COL23A1: variants seen among roughly 807,000 people sequenced by gnomAD.
The protein encoded by COL23A1 is collagen type XXIII alpha 1 chain.
COL23A1 carries 97 observed loss-of-function variants against 99.3 expected under a neutral mutation model. The observed-to-expected ratio is 0.98, with a 90% CI of 0.83 to 1.16. The LOEUF (loss-of-function observed/expected upper bound fraction) is 1.16, where lower values mean the gene tolerates loss of function less well. COL23A1 is among the 50% of genes most tolerant of loss of function. The pLI is 0.00. For missense variants in COL23A1, 762 were observed against 757.4 expected (o/e 1.01, Z -0.07); for synonymous variants, 320 against 308.2 (o/e 1.04, Z -0.40).
chr5:178,336,993 C>T (rs201030878), intron 2 of COL23A1, among the ~76,000 whole-genome samples: 2 of 43,508 alleles, frequency 4.6e-5, no homozygotes, highest in Admixed American at 2.7e-4. Context: ...CACTCCTCCC[C>T]GGAGCCAGCG....
At chr5:178,476,254 C>T (rs1209270471) in intron 2 of COL23A1, among the ~76,000 whole-genome samples, 1 of 152,224 alleles carries the variant, frequency 6.6e-6, no homozygotes, top group African/African-American at 2.4e-5. Flanking sequence ...CTGCCTCCCA[C>T]TGTCTCCCTG....
intron 2 of COL23A1, among the ~76,000 whole-genome samples, chr5:178,362,210 C>T (rs1470681145): frequency 6.6e-6 from 1 of 152,194 alleles, no homozygotes; most frequent in Non-Finnish European, 1.5e-5. Context: ...AACTGTTAGA[C>T]AGACACACCA....
rs141162329 is a variant in COL23A1, at chr5:178,303,215, G to A, written c.406+3660C>T. Among the ~76,000 whole-genome samples the A allele has an allele frequency of 4.5e-3, 691 of 152,286 alleles. 4 individuals are homozygous for A. Among genetic ancestry groups the A allele is most frequent in the African/African-American group, 0.016 (655 of 41,546 alleles). On this transcript the variant is annotated intron_variant, in intron 3 of 28. Coordinates refer to ENST00000390654, the MANE Select transcript of COL23A1 (RefSeq NM_173465.4). ...GGGTTTCACCATGTTGGCCAGGCTGGTCTCAAACTCCTGGCCTCAAGCAAT... is the reference window on the plus strand; with the variant it reads ...GGGTTTCACCATGTTGGCCAGGCTGATCTCAAACTCCTGGCCTCAAGCAAT...
intron 13 of COL23A1, among the ~76,000 whole-genome samples, chr5:178,257,213 G>A (rs2127545799): frequency 6.6e-6 from 1 of 152,294 alleles, no homozygotes; most frequent in Non-Finnish European, 1.5e-5. Context: ...TTTGGTGGCT[G>A]TTGCGAGGGG....
At chr5:178,245,793 G>T in intron 25 of COL23A1, 149 bp downstream of exon 25, 2 of 855,778 alleles carry the variant, frequency 2.3e-6, no homozygotes, top group Non-Finnish European at 3.9e-6. Flanking sequence ...ACTGGACTTG[G>T]CAATGGGGAC....
intron 25 of COL23A1, among the ~76,000 whole-genome samples, chr5:178,243,426 G>T (rs1185885987): frequency 6.7e-6 from 1 of 149,072 alleles, no homozygotes; most frequent in East Asian, 2.0e-4. Flanking sequence ...GACAGAAGTT[G>T]CAGTGAGCCG....
chr5:178,280,632 A>T lies in COL23A1; in HGVS notation c.441+7692T>A, dbSNP rs754835732. Among the ~76,000 whole-genome samples, 7 of 152,148 alleles carry T rather than the reference A, an allele frequency of 4.6e-5. No homozygotes were observed. The highest frequency in any genetic ancestry group is 1.0e-4 in the Non-Finnish European group (7 of 67,996). On this transcript the variant is annotated intron_variant, in intron 5 of 28. Transcript: ENST00000390654. This position sits in a 1 kb window ranked among gnomAD's most constrained non-coding sequence, Gnocchi z 4.9. Reference sequence around the variant, plus strand: ...GTCTGTGAACATGTTCTTCCATGTGATGGGGCGAGGATGCTGTGGGGCTGG... The same window carrying T: ...GTCTGTGAACATGTTCTTCCATGTGTTGGGGCGAGGATGCTGTGGGGCTGG...
At chr5:178,254,280 C>CCGTCACGCCACGCCACGCCACACCGT (rs140409132) in intron 16 of COL23A1, among the ~76,000 whole-genome samples, 1 of 151,896 alleles carries the variant, frequency 6.6e-6, no homozygotes, top group Non-Finnish European at 1.5e-5. Flanking sequence ...CCACGCCACA[C>CCGTCACGCCACGCCACGCCACACCGT]CACGCCACGC....
chr5:178,249,741 C>CTCTCTCTCTT (rs1764928682), intron 18 of COL23A1, among the ~76,000 whole-genome samples: 1 of 144,684 alleles, frequency 6.9e-6, no homozygotes, highest in Non-Finnish European at 1.5e-5. Context: ...CTCTCTCTCT[C>CTCTCTCTCTT]TCTCTCTCTC....
intron 2 of COL23A1, among the ~76,000 whole-genome samples, chr5:178,517,564 TTTTG>T (rs1396626723): frequency 2.6e-5 from 3 of 114,634 alleles, no homozygotes; most frequent in Non-Finnish European, 5.6e-5. Flanking sequence ...GCAGTTTTTT[TTTTG>T]TTTTTTTTTT....
At chr5:178,450,678 A>G (rs1767437365) in intron 2 of COL23A1, among the ~76,000 whole-genome samples, 1 of 152,244 alleles carries the variant, frequency 6.6e-6, no homozygotes, top group Non-Finnish European at 1.5e-5. Context: ...AGACATGTTA[A>G]TAGTAACAAT....
chr5:178,575,298 C>T (rs768021189), intron 1 of COL23A1, among the ~76,000 whole-genome samples: 1 of 152,162 alleles, frequency 6.6e-6, no homozygotes, highest in East Asian at 1.9e-4. Flanking sequence ...AATAATACAA[C>T]CCTTCCTAAG....
chr5:178,450,894 C>T (rs1480153386), intron 2 of COL23A1, among the ~76,000 whole-genome samples: 2 of 152,188 alleles, frequency 1.3e-5, no homozygotes, highest in Non-Finnish European at 2.9e-5. Flanking sequence ...CAGTTCAGGG[C>T]TCCTCCCCTT....
At chr5:178,452,550 C>G (rs1398697980) in intron 2 of COL23A1, among the ~76,000 whole-genome samples, 2 of 152,190 alleles carry the variant, frequency 1.3e-5, no homozygotes, top group Non-Finnish European at 2.9e-5. Context: ...AATCAAAAGG[C>G]TAATGACACA....
chr5:178,283,447 T>G (rs1581522964), intron 5 of COL23A1, among the ~76,000 whole-genome samples: 1 of 152,234 alleles, frequency 6.6e-6, no homozygotes, highest in South Asian at 2.1e-4. Flanking sequence ...ATCATTTAAA[T>G]CTCACTTCAA....
intron 2 of COL23A1, among the ~76,000 whole-genome samples, chr5:178,519,950 G>A (rs1397938048): frequency 6.6e-6 from 1 of 151,876 alleles, no homozygotes; most frequent in East Asian, 1.9e-4. Context: ...AAAGGATGAT[G>A]GATAGATGGA....
chr5:178,294,507 CTCCCCAAATCACTACCGAGCTCCT>C (rs1439444718), intron 3 of COL23A1, among the ~76,000 whole-genome samples: 3,224 of 107,388 alleles, frequency 0.03, 893 homozygotes, highest in African/African-American at 0.079. Flanking sequence ...ACCGAGCTCC[CTCCCCAAATCACTACCGAGCTCCT>C]TCCCCAGTGC....
intron 2 of COL23A1, among the ~76,000 whole-genome samples, chr5:178,540,231 C>G (rs1562068866): frequency 6.6e-6 from 1 of 152,098 alleles, no homozygotes; most frequent in African/African-American, 2.4e-5. Context: ...AAACACAACT[C>G]TAATTATTTA....
At chr5:178,354,165 T>G (rs936305324) in intron 2 of COL23A1, among the ~76,000 whole-genome samples, 2 of 152,066 alleles carry the variant, frequency 1.3e-5, no homozygotes, top group African/African-American at 4.8e-5. Flanking sequence ...TTTATAATTC[T>G]TTTCCCCTAT....
Sources: gnomAD v4.1 joint callset for allele counts (sites outside exome capture counted in the v4.1 genomes callset) on GRCh38, gnomAD v4.1.1 for gene constraint, Gnocchi (gnomAD v3.1) non-coding constraint, MANE v1.5 for transcripts, NCBI Gene and HGNC (gene_info 2026-07-23, HGNC 2026-07-21) for gene names.